ABI2: variants seen among roughly 807,000 people sequenced by gnomAD.
ABI2 encodes abl interactor 2.
In ABI2, 25 loss-of-function variants were observed where a neutral mutation model predicts 59.2. The ratio of observed to expected loss-of-function variants is 0.42; its 90% CI spans 0.31 to 0.59. The LOEUF is 0.59. Ranked by LOEUF, ABI2 falls within the 20% of genes least tolerant of loss-of-function variation. The pLI, the probability that ABI2 is intolerant of heterozygous loss-of-function variation, is 0.14. For missense variants in ABI2, 545 were observed against 681.8 expected (o/e 0.80, Z 2.23); for synonymous variants, 213 against 235.5 (o/e 0.90, Z 0.87).
chr2:203,360,966 T>G (rs1004808846), intron 1 of ABI2, among the ~76,000 whole-genome samples: 1 of 152,218 alleles, frequency 6.6e-6, no homozygotes, highest in Non-Finnish European at 1.5e-5. Flanking sequence ...ATGCTCTGTT[T>G]ATTCAAGAGT....
chr2:203,391,037 A>AT lies in ABI2; in HGVS notation c.481-3dup. ...GCATACAAGTTGAGTTTTCCTTAAA[A>AT]TTTTTTAGGTGAGTACCCAGAACAT... On this transcript the variant is annotated splice_polypyrimidine_tract_variant and intron_variant, in intron 4 of 11. Coordinates refer to ENST00000261018, the MANE Select transcript of ABI2 (RefSeq NM_001375670.1). 3 of 1,612,570 alleles carry AT rather than the reference A, an allele frequency of 1.9e-6. No homozygotes were observed. Among genetic ancestry groups the AT allele is most frequent in the Non-Finnish European group, 2.5e-6 (3 of 1,179,102 alleles).
chr2:203,389,619 A>G (rs2096662605), intron 4 of ABI2, among the ~76,000 whole-genome samples: 1 of 152,248 alleles, frequency 6.6e-6, no homozygotes, highest in Admixed American at 6.5e-5. Flanking sequence ...TTTAGAAAGT[A>G]TAATTTGACT....
intron 1 of ABI2, among the ~76,000 whole-genome samples, chr2:203,336,734 A>G (rs2076642890): frequency 6.6e-6 from 1 of 152,110 alleles, no homozygotes; most frequent in South Asian, 2.1e-4. Context: ...CCTCCATGTA[A>G]ATGGTAGGCT....
intron 2 of ABI2, among the ~76,000 whole-genome samples, chr2:203,379,082 C>T (rs543066907): frequency 6.6e-6 from 1 of 151,908 alleles, no homozygotes; most frequent in Non-Finnish European, 1.5e-5. Context: ...AGAAATTCAC[C>T]CTCTGTTAGC....
chr2:203,376,028 A>C (rs1236215553), intron 2 of ABI2: 2 of 1,459,154 alleles, frequency 1.4e-6, no homozygotes, highest in South Asian at 2.5e-5. Flanking sequence ...GTTTTTTAAA[A>C]GTTATTTACT....
intron 1 of ABI2, among the ~76,000 whole-genome samples, chr2:203,355,792 T>C (rs1013035274): frequency 7.1e-5 from 10 of 141,726 alleles, no homozygotes; most frequent in Admixed American, 3.7e-4. Flanking sequence ...GATTACGCCA[T>C]TGCACTCCAG....
At chr2:203,425,094 AATTTCT>A (rs1247596168) in intron 11 of ABI2, among the ~76,000 whole-genome samples, 2 of 147,582 alleles carry the variant, frequency 1.4e-5, no homozygotes, top group East Asian at 4.0e-4. Context: ...TTAGGCTGGC[AATTTCT>A]ACATTTTAAA....
At chr2:203,357,308 A>G (rs964121384) in intron 1 of ABI2, among the ~76,000 whole-genome samples, 2 of 152,202 alleles carry the variant, frequency 1.3e-5, no homozygotes, top group Non-Finnish European at 2.9e-5. Flanking sequence ...TTTAAGAGCA[A>G]GTAAGATAGT....
chr2:203,328,487 T>G lies in ABI2; in HGVS notation c.-28T>G, dbSNP rs561445689. On this transcript the variant is annotated 5_prime_UTR_variant, in exon 1 of 12. An upstream start codon of the reference 5' UTR is lost. Transcript: ENST00000261018. ...GCCGCCGCTCCCTCTGCGACCTGTA[T>G]GAGGAGGAGGAGGAGGAGGATGTGA... The G allele has an allele frequency of 2.2e-5, 33 of 1,514,926 alleles. No homozygotes were observed. The highest frequency in any genetic ancestry group is 4.8e-5 in the East Asian group (2 of 41,834). 93.8% of individuals were successfully genotyped at this position (1,514,926 alleles called of 1,614,324 possible).
chr2:203,377,683 A>T (rs1379601656), intron 2 of ABI2, among the ~76,000 whole-genome samples: 11 of 152,200 alleles, frequency 7.2e-5, no homozygotes, highest in Non-Finnish European at 1.3e-4. Context: ...AGGTGGGTGG[A>T]TCACTTGAGC....
intron 1 of ABI2, among the ~76,000 whole-genome samples, chr2:203,342,037 A>AC (rs1358824637): frequency 6.6e-6 from 1 of 152,192 alleles, no homozygotes; most frequent in African/African-American, 2.4e-5. Context: ...ACTCTGCTAA[A>AC]CTAAAATTCT....
chr2:203,364,601 T>C (rs1304826060), intron 1 of ABI2, among the ~76,000 whole-genome samples: 1 of 152,186 alleles, frequency 6.6e-6, no homozygotes, highest in Admixed American at 6.5e-5. Context: ...AGCATGCAAA[T>C]GTAAAATACA....
At chr2:203,391,768 C>T (rs1309758038) in intron 5 of ABI2, among the ~76,000 whole-genome samples, 1 of 150,898 alleles carries the variant, frequency 6.6e-6, no homozygotes, top group South Asian at 2.1e-4. Context: ...CTGCAGTGAG[C>T]CGTGATCATG....
chr2:203,388,207 A>G (rs2153277067), intron 4 of ABI2, among the ~76,000 whole-genome samples: 2 of 152,300 alleles, frequency 1.3e-5, no homozygotes, highest in South Asian at 4.1e-4. Flanking sequence ...CCTTGAGGAA[A>G]TATTGAAAAA....
At chr2:203,394,948 C>A in intron 6 of ABI2, 102 bp downstream of exon 6, 2 of 1,314,842 alleles carry the variant, frequency 1.5e-6, no homozygotes, top group Non-Finnish European at 2.2e-6. Context: ...AAGTTCTTTT[C>A]CTCACTCTAT....
intron 1 of ABI2, among the ~76,000 whole-genome samples, chr2:203,347,950 A>T (rs1024793118): frequency 6.6e-6 from 1 of 152,198 alleles, no homozygotes; most frequent in Non-Finnish European, 1.5e-5. Flanking sequence ...CATGAAAAAA[A>T]TGATTTGGGC....
chr2:203,330,337 G>A (rs1207536424), intron 1 of ABI2, among the ~76,000 whole-genome samples: 1 of 150,992 alleles, frequency 6.6e-6, no homozygotes, highest in African/African-American at 2.4e-5. Flanking sequence ...TGATACAAGT[G>A]GGGTAGAAAA....
rs373434908 is a variant in ABI2, at chr2:203,339,817, G to C, written c.117+11186G>C. ...GAAGAAAATGTGTACTGCATGCACA[G>C]TTCTCCTTCAGTCTACATGGGGCAT... On this transcript the variant is annotated intron_variant, in intron 1 of 11. Coordinates refer to ENST00000261018, the MANE Select transcript of ABI2 (RefSeq NM_001375670.1). 5.9e-5 allele frequency among the ~76,000 whole-genome samples: 9 copies of C among 152,272 alleles called. No homozygotes were observed. The East Asian group carries it at 1.7e-3, about 29-fold the overall frequency.
At chr2:203,407,182 C>T (rs1245676657) in intron 9 of ABI2, among the ~76,000 whole-genome samples, 3 of 152,098 alleles carry the variant, frequency 2.0e-5, no homozygotes, top group African/African-American at 4.8e-5. Context: ...GCTTTGGCCT[C>T]CCAAAGTGCT....
Sources: gnomAD v4.1 joint callset for allele counts (sites outside exome capture counted in the v4.1 genomes callset) on GRCh38, gnomAD v4.1.1 for gene constraint, MANE v1.5 for transcripts, NCBI Gene and HGNC (gene_info 2026-07-23, HGNC 2026-07-21) for gene names.